Variants in SHOC2 observed in about 807,000 individuals in gnomAD.
SHOC2 encodes leucine-rich repeat protein SHOC-2.
SHOC2 carries 4 observed loss-of-function variants against 50.2 expected under a neutral mutation model. That is an observed-to-expected ratio of 0.08 (90% CI 0.04 to 0.18). SHOC2 has a LOEUF of 0.18. Ranked by LOEUF, SHOC2 falls within the 10% of genes least tolerant of loss-of-function variation. The probability of loss-of-function intolerance (pLI) is 1.00; values close to 1 mark genes in which losing one functional copy is unlikely to be tolerated. For synonymous variants in SHOC2, 218 were observed against 244.5 expected (o/e 0.89, Z 1.01); for missense variants, 388 against 669.6 (o/e 0.58, Z 4.64).
At chr10:110,946,602 AAT>A (rs1688580265) in intron 1 of SHOC2, among the ~76,000 whole-genome samples, 1 of 152,146 alleles carries the variant, frequency 6.6e-6, no homozygotes, top group Admixed American at 6.5e-5. Context: ...GGGAACAAAC[AAT>A]GTGGATATTT....
At chr10:110,980,031 A>G (rs1847945024) in intron 2 of SHOC2, among the ~76,000 whole-genome samples, 1 of 152,204 alleles carries the variant, frequency 6.6e-6, no homozygotes, top group East Asian at 1.9e-4. Flanking sequence ...GACATTGCTG[A>G]GACATCCAAG....
At chr10:110,996,269 C>T (rs1848265724) in intron 3 of SHOC2, among the ~76,000 whole-genome samples, 1 of 152,130 alleles carries the variant, frequency 6.6e-6, no homozygotes, top group African/African-American at 2.4e-5. Context: ...TGGCTCACGC[C>T]TGTAATCCCA....
intron 1 of SHOC2, chr10:110,937,025 G>C: frequency 6.7e-7 from 1 of 1,483,386 alleles, no homozygotes; most frequent in Non-Finnish European, 9.4e-7. Context: ...GAAGTGGTAG[G>C]GGCGTCGGAA....
rs1309762163 is a variant in SHOC2 at position 110,919,672 on chromosome 10, A to G, written c.-235+15A>G. On this transcript the variant is annotated intron_variant, in intron 1 of 8. Coordinates refer to ENST00000369452, the MANE Select transcript of SHOC2 (RefSeq NM_007373.4). ...GGCTCCTGACGGTAACTCGGGGCCG[A>G]TGAGGCGGAGGGTGTCTGTTGGTCG... 5 of 398,538 alleles carry G rather than the reference A, an allele frequency of 1.3e-5. No individual in the cohort carries two copies. Among genetic ancestry groups the G allele is most frequent in the East Asian group, 1.1e-4 (3 of 28,056 alleles). The allele number at this position is 398,538 out of a possible 1,614,324, so 24.7% of individuals were successfully genotyped here.
At chr10:110,974,489 T>C (rs931365895) in intron 2 of SHOC2, among the ~76,000 whole-genome samples, 1 of 152,192 alleles carries the variant, frequency 6.6e-6, no homozygotes, top group Admixed American at 6.5e-5. Flanking sequence ...TATACCTTTT[T>C]CTATCTTTTT....
Position 110,964,157 on chromosome 10 carries a change from A to G in SHOC2, c.-202A>G, listed in dbSNP as rs527240159. Reference sequence around the variant, plus strand: ...AATGAATCATTGATTGACCAGCACTATTTTACCAGTTGGAATGAATGATCA... The same window carrying G: ...AATGAATCATTGATTGACCAGCACTGTTTTACCAGTTGGAATGAATGATCA... On this transcript the variant is annotated 5_prime_UTR_variant, in exon 2 of 9. Coordinates refer to ENST00000369452, the MANE Select transcript of SHOC2 (RefSeq NM_007373.4). The surrounding 1 kb of genome is among the most constrained non-coding windows in gnomAD (Gnocchi z 4.9). 9.8e-5 allele frequency: 66 copies of G among 673,618 alleles called. No homozygotes were observed. In the East Asian group the frequency reaches 1.6e-3, roughly 17 times the overall value. The allele number at this position is 673,618 out of a possible 1,614,324, so 41.7% of individuals were successfully genotyped here. A position where few individuals can be genotyped will look rare whatever the true frequency, so the allele number is the denominator to read the frequency against.
At chr10:110,926,256 G>A (rs1339196235) in intron 1 of SHOC2, among the ~76,000 whole-genome samples, 1 of 152,090 alleles carries the variant, frequency 6.6e-6, no homozygotes, top group Non-Finnish European at 1.5e-5. Context: ...GAGTATGTCT[G>A]TCTTATTTAC....
intron 2 of SHOC2, among the ~76,000 whole-genome samples, chr10:110,981,882 T>TTA (rs1847986370): frequency 3.6e-5 from 2 of 56,136 alleles, no homozygotes; most frequent in East Asian, 9.1e-4. Context: ...TTTTTTAAGT[T>TTA]TTAGGGTACA....
intron 1 of SHOC2, among the ~76,000 whole-genome samples, chr10:110,958,491 C>T (rs887155989): frequency 2.0e-5 from 3 of 152,132 alleles, no homozygotes; most frequent in Non-Finnish European, 2.9e-5. Flanking sequence ...GGATTACAGG[C>T]GTGAGCCACT....
At position 110,994,661 on chromosome 10, in the gene SHOC2, A is replaced by G. The variant is rs1049521902; in HGVS notation, c.842-5754A>G. Among the ~76,000 whole-genome samples, 6 of 152,234 alleles carry G rather than the reference A, an allele frequency of 3.9e-5. No homozygotes were observed. The East Asian group carries it at 1.2e-3, about 29-fold the overall frequency. On this transcript the variant is annotated intron_variant, in intron 3 of 8. Transcript: ENST00000369452. ...AGAAGCATATAGAATGATCTCATTT[A>G]TATGAAAGCAAACACATAAACATAA...
At chr10:110,922,900 T>A (rs1028372349) in intron 1 of SHOC2, among the ~76,000 whole-genome samples, 4 of 152,132 alleles carry the variant, frequency 2.6e-5, no homozygotes, top group Admixed American at 2.6e-4. Context: ...ATCAGTAGAA[T>A]TATACATTAA....
At chr10:110,968,276 AT>A (rs1847716004) in intron 2 of SHOC2, among the ~76,000 whole-genome samples, 3 of 152,194 alleles carry the variant, frequency 2.0e-5, no homozygotes, top group South Asian at 4.1e-4. Flanking sequence ...AGAAATAGTT[AT>A]TTTCTGTGAT....
intron 2 of SHOC2, among the ~76,000 whole-genome samples, chr10:110,971,127 A>C (rs1316682342): frequency 6.6e-6 from 1 of 152,016 alleles, no homozygotes; most frequent in African/African-American, 2.4e-5. Flanking sequence ...CTTTGCCCAG[A>C]CCATTGTCCT....
At chr10:110,978,325 A>G (rs1847913104) in intron 2 of SHOC2, among the ~76,000 whole-genome samples, 1 of 152,218 alleles carries the variant, frequency 6.6e-6, no homozygotes, top group Non-Finnish European at 1.5e-5. Context: ...AATAGCTAAT[A>G]CTGTAACTCC....
intron 5 of SHOC2, among the ~76,000 whole-genome samples, chr10:111,007,193 A>G (rs1848485247): frequency 6.6e-6 from 1 of 152,098 alleles, no homozygotes; most frequent in Non-Finnish European, 1.5e-5. Flanking sequence ...TATTTTATTC[A>G]GTGATTTCTG....
intron 1 of SHOC2, among the ~76,000 whole-genome samples, chr10:110,937,596 G>A (rs1847053063): frequency 6.6e-6 from 1 of 152,120 alleles, no homozygotes; most frequent in African/African-American, 2.4e-5. Flanking sequence ...AGGAAAAGAG[G>A]GGACCATACC....
rs544803382 is a variant in SHOC2 at position 110,963,266 on chromosome 10, C to T, written c.-234-859C>T. On this transcript the variant is annotated intron_variant, in intron 1 of 8. Coordinates refer to ENST00000369452, the MANE Select transcript of SHOC2 (RefSeq NM_007373.4). ...TCTTTTTGTCCTTTGCCAATCTTTT[C>T]GGCCTGTCATTTTACCAGCAGACTT... Among the ~76,000 whole-genome samples, 174 of 152,264 alleles carry T rather than the reference C, an allele frequency of 1.1e-3. 1 individual carries two copies. The highest frequency in any genetic ancestry group is 3.8e-3 in the African/African-American group (159 of 41,558).
intron 1 of SHOC2, among the ~76,000 whole-genome samples, chr10:110,949,117 TAAATG>T (rs1193113009): frequency 6.6e-6 from 1 of 152,070 alleles, no homozygotes; most frequent in Non-Finnish European, 1.5e-5. Context: ...AGAGCAGAAA[TAAATG>T]AAATAGGGAC....
At chr10:110,936,016 T>G (rs1208474637) in intron 1 of SHOC2, among the ~76,000 whole-genome samples, 2 of 152,172 alleles carry the variant, frequency 1.3e-5, no homozygotes, top group Non-Finnish European at 2.9e-5. Flanking sequence ...TTATGAAAAC[T>G]ATTCCTTAGG....
Sources: gnomAD v4.1 joint callset for allele counts (sites outside exome capture counted in the v4.1 genomes callset) on GRCh38, gnomAD v4.1.1 for gene constraint, Gnocchi (gnomAD v3.1) non-coding constraint, MANE v1.5 for transcripts, NCBI Gene and HGNC (gene_info 2026-07-23, HGNC 2026-07-21) for gene names.